Variants in ZNF695 observed in about 807,000 individuals in gnomAD.
The protein encoded by ZNF695 is zinc finger protein 695.
Under a neutral mutation model 11.2 loss-of-function variants are expected in ZNF695, and 11 were observed. The ratio of observed to expected loss-of-function variants is 0.98; its 90% CI spans 0.62 to 1.62. ZNF695 has a LOEUF of 1.62. Among genes scored for constraint, ZNF695 ranks in the 40% most tolerant of loss-of-function variants. The pLI is 0.00. For missense variants in ZNF695, 559 were observed against 590.5 expected (o/e 0.95, Z 0.55); for synonymous variants, 190 against 201.4 (o/e 0.94, Z 0.48).
intron 5 of ZNF695, among the ~76,000 whole-genome samples, chr1:246,959,310 A>AAAAATATATATATATAT (rs1558304450): frequency 2.0e-5 from 1 of 51,252 alleles, no homozygotes; most frequent in Non-Finnish European, 3.2e-5. Context: ...AAAAAAAAAA[A>AAAAATATATATATATAT]ATATATATAT....
chr1:246,998,194 T>TAC (rs1669262590), intron 3 of ZNF695, among the ~76,000 whole-genome samples: 1 of 152,162 alleles, frequency 6.6e-6, no homozygotes, highest in South Asian at 2.1e-4. Context: ...CATACATATA[T>TAC]ACACACACAT....
chr1:246,986,907 G>T lies in ZNF695; in HGVS notation c.*60C>A. 1 of 1,513,688 alleles carries T rather than the reference G, an allele frequency of 6.6e-7. No homozygotes were observed. The highest frequency in any genetic ancestry group is 8.8e-7 in the Non-Finnish European group (1 of 1,134,426). 93.8% of individuals were successfully genotyped at this position (1,513,688 alleles called of 1,614,324 possible). A position where few individuals can be genotyped will look rare whatever the true frequency, so the allele number is the denominator to read the frequency against. On this transcript the variant is annotated 3_prime_UTR_variant, in exon 4 of 4. Transcript: ENST00000339986. ...TCTTATTCAGTAAAAATATTCTGCTGTGAAGTTGTGAATAGGTATTAAAGA... is the reference window on the plus strand; with the variant it reads ...TCTTATTCAGTAAAAATATTCTGCTTTGAAGTTGTGAATAGGTATTAAAGA...
intron 3 of ZNF695, among the ~76,000 whole-genome samples, chr1:246,993,969 T>C (rs1030111781): frequency 1.3e-5 from 2 of 151,654 alleles, no homozygotes; most frequent in Admixed American, 1.3e-4. Context: ...AGGTCGGGAG[T>C]TCAGGACCAG....
At chr1:247,007,793 C>G (rs1558323764) in intron 1 of ZNF695, 113 bp downstream of exon 1, 2 of 1,339,502 alleles carry the variant, frequency 1.5e-6, no homozygotes, top group African/African-American at 3.0e-5. Context: ...CGGCCGCACA[C>G]TCCGGAGCCG....
rs529859880 is a variant in ZNF695 at position 246,997,146 on chromosome 1, G to A, written c.259+2202C>T. Reference sequence around the variant, plus strand: ...GAGAGGCCGAGGGGAAGGATTGCTCGAGGCCAGGAGTTTGAGACCAGCCTG... The same window carrying A: ...GAGAGGCCGAGGGGAAGGATTGCTCAAGGCCAGGAGTTTGAGACCAGCCTG... On this transcript the variant is annotated intron_variant, in intron 3 of 3. Coordinates refer to ENST00000339986, the MANE Select transcript of ZNF695 (RefSeq NM_020394.5). 1.2e-4 allele frequency among the ~76,000 whole-genome samples: 19 copies of A among 152,072 alleles called. No homozygotes were observed. The East Asian group carries it at 3.1e-3, about 25-fold the overall frequency.
chr1:246,953,470 G>T (rs1667916047), intron 5 of ZNF695, among the ~76,000 whole-genome samples: 1 of 151,998 alleles, frequency 6.6e-6, no homozygotes, highest in Non-Finnish European at 1.5e-5. Context: ...AATTAGCCAG[G>T]CGTGGTGGCA....
In ZNF695 at chr1:246,951,603, G is replaced by T. The variant is rs116118844; in HGVS notation, c.489-5776C>A. ...GTGTTTTGTTATAGCAGCCTTAGGA[G>T]ACTATTACACGCTCCTAGACCAGAA... On this transcript the variant is annotated intron_variant, in intron 5 of 5. Transcript: ENST00000487338. Among the ~76,000 whole-genome samples, 317 of 152,330 alleles carry T rather than the reference G, an allele frequency of 2.1e-3. 1 individual carries two copies. The highest frequency in any genetic ancestry group is 7.2e-3 in the African/African-American group (298 of 41,570).
intron 3 of ZNF695, among the ~76,000 whole-genome samples, chr1:246,992,140 G>C (rs1669060032): frequency 6.6e-6 from 1 of 151,528 alleles, no homozygotes; most frequent in East Asian, 1.9e-4. Context: ...CTCCAGCCTG[G>C]GTGACAGAGC....
chr1:246,979,778 G>A (rs1448155815), intron 4 of ZNF695: 1 of 152,582 alleles, frequency 6.6e-6, no homozygotes, highest in Non-Finnish European at 1.5e-5. Flanking sequence ...TAAATAATTT[G>A]ACTGTTTAAT....
At chr1:247,007,806 C>T (rs1003219632) in intron 1 of ZNF695, 100 bp downstream of exon 1, 3 of 1,394,790 alleles carry the variant, frequency 2.2e-6, no homozygotes, top group Non-Finnish European at 1.9e-6. Flanking sequence ...CGGAGCCGAC[C>T]GCCGGGAGGC....
downstream of ZNF695, among the ~76,000 whole-genome samples, chr1:246,980,407 C>T (rs1668676479): frequency 7.4e-6 from 1 of 135,672 alleles, no homozygotes; most frequent in Non-Finnish European, 1.6e-5. Flanking sequence ...TAAGATTTGC[C>T]CCCCTGCCAC....
In ZNF695 at chr1:246,956,176, G is replaced by A. The variant is rs58338016; in HGVS notation, c.489-10349C>T. On this transcript the variant is annotated intron_variant, in intron 5 of 5. Coordinates refer to the ZNF695 transcript ENST00000487338. ...CTAATTTTTTTGCATTTTTAGTAGA[G>A]ATGGGGTTTCACCAAGTTGGCCAGG... Among the ~76,000 whole-genome samples, 968 of 151,140 alleles carry A rather than the reference G, an allele frequency of 6.4e-3. 15 individuals carry two copies. The highest frequency in any genetic ancestry group is 0.022 in the African/African-American group (916 of 41,320).
chr1:246,950,876 T>TA (rs1338789367), intron 5 of ZNF695, among the ~76,000 whole-genome samples: 1 of 152,046 alleles, frequency 6.6e-6, no homozygotes, highest in East Asian at 1.9e-4. Context: ...ATTAAATGAG[T>TA]AAACTTGTAA....
chr1:247,000,085 A>G lies in ZNF695; in HGVS notation c.4-11T>C. On this transcript the variant is annotated splice_polypyrimidine_tract_variant and intron_variant, in intron 1 of 3. Coordinates refer to ENST00000339986, the MANE Select transcript of ZNF695 (RefSeq NM_020394.5). ...GAATGCCAATAGTCCCTGAAAAAGA[A>G]AACATATTTACCAAGTGGTCACGGC... is the stretch of plus-strand genomic sequence containing the variant. 2 of 1,596,476 alleles carry G rather than the reference A, an allele frequency of 1.3e-6. No homozygotes were observed. The highest frequency in any genetic ancestry group is 1.7e-6 in the Non-Finnish European group (2 of 1,173,892).
Position 246,987,201 on chromosome 1 carries a change from A to G in ZNF695, c.1314T>C (p.Cys438=), listed in dbSNP as rs753012877. 8 of 1,613,992 alleles carry G rather than the reference A, an allele frequency of 5.0e-6. No homozygotes were observed. In the South Asian group the frequency reaches 7.7e-5, roughly 16 times the overall value. ...RIHTGEKPYK[C]DECGKAFNWF... is the part of the protein sequence containing the mutation. ...AGTTAAAAGCTTTGCCACATTCATC[A>G]CATTTGTAGGGTTTCTCTCCAGTAT... is the stretch of plus-strand genomic sequence containing the variant. The change falls in exon 4 of 4, where the codon TGT becomes TGC. Residue 438 remains cysteine, a synonymous_variant. Transcript: ENST00000339986.
chr1:246,995,634 A>G (rs1258969588), intron 3 of ZNF695, among the ~76,000 whole-genome samples: 1 of 151,928 alleles, frequency 6.6e-6, no homozygotes, highest in Non-Finnish European at 1.5e-5. Context: ...GTTAAAGACG[A>G]GCTTGGCCAA....
At chr1:246,994,031 C>T (rs1669119969) in intron 3 of ZNF695, among the ~76,000 whole-genome samples, 1 of 151,988 alleles carries the variant, frequency 6.6e-6, no homozygotes, top group Non-Finnish European at 1.5e-5. Flanking sequence ...AAAAAATTAG[C>T]TGGGCGTGAT....
At chr1:246,965,511 C>A (rs1187105664) in intron 5 of ZNF695, among the ~76,000 whole-genome samples, 1 of 152,070 alleles carries the variant, frequency 6.6e-6, no homozygotes, top group African/African-American at 2.4e-5. Context: ...CTGAGGCAGG[C>A]CGATCGCCTA....
chr1:246,959,310 A>AAT (rs1158852538), intron 5 of ZNF695, among the ~76,000 whole-genome samples: 1,149 of 51,028 alleles, frequency 0.023, 14 homozygotes, highest in Non-Finnish European at 0.026. Context: ...AAAAAAAAAA[A>AAT]ATATATATAT....
Sources: gnomAD v4.1 joint callset for allele counts (sites outside exome capture counted in the v4.1 genomes callset) on GRCh38, gnomAD v4.1.1 for gene constraint, MANE v1.5 for transcripts, NCBI Gene and HGNC (gene_info 2026-07-23, HGNC 2026-07-21) for gene names.